The following KATNAL1 variants were observed in gnomAD, a reference collection of about 807,000 sequenced individuals.
KATNAL1 encodes katanin catalytic subunit A1 like 1.
Under a neutral mutation model 55.2 loss-of-function variants are expected in KATNAL1, and 32 were observed. The ratio of observed to expected loss-of-function variants is 0.58; its 90% CI spans 0.44 to 0.78. KATNAL1 has a LOEUF of 0.78. KATNAL1 is among the 30% of genes least tolerant of loss of function. KATNAL1 has a pLI of 0.00. For synonymous variants in KATNAL1, 193 were observed against 193.6 expected (o/e 1.00, Z 0.02); for missense variants, 466 against 600.9 (o/e 0.78, Z 2.35).
chr13:30,300,542 A>C (rs1882792891), intron 1 of KATNAL1, among the ~76,000 whole-genome samples: 1 of 152,174 alleles, frequency 6.6e-6, no homozygotes, highest in Admixed American at 6.5e-5. Context: ...AAGTTTCTCC[A>C]AATCACCGAA....
chr13:30,260,825 T>C (rs896225583), intron 3 of KATNAL1, among the ~76,000 whole-genome samples: 4 of 147,510 alleles, frequency 2.7e-5, no homozygotes, highest in African/African-American at 9.9e-5. Context: ...ACTTCCCCAA[T>C]CTAGCAAGGC....
intron 1 of KATNAL1, among the ~76,000 whole-genome samples, chr13:30,301,005 C>T (rs7338931): frequency 0.53 from 81,300 of 152,052 alleles, 23,113 homozygotes; most frequent in African/African-American, 0.74. Flanking sequence ...ATTCTACTGG[C>T]AGCTTTAAAA....
chr13:30,236,262 C>T (rs1876672120), intron 6 of KATNAL1, among the ~76,000 whole-genome samples: 1 of 152,174 alleles, frequency 6.6e-6, no homozygotes, highest in African/African-American at 2.4e-5. Flanking sequence ...TTGTAGCCAG[C>T]TGGTCATAAG....
Position 30,241,104 on chromosome 13 carries a change from A to G in KATNAL1, c.493-18T>C, listed in dbSNP as rs371935719. 26 of 1,608,370 alleles carry G rather than the reference A, an allele frequency of 1.6e-5. No individual in the cohort carries two copies. In the African/African-American group the frequency reaches 3.3e-4, roughly 21 times the overall value. ...TTCCTTCCCTGGGGATAGGTATAAAAAAAAAGTACTAGTCAGTAATGGATA... is the reference window on the plus strand; with the variant it reads ...TTCCTTCCCTGGGGATAGGTATAAAGAAAAAGTACTAGTCAGTAATGGATA... On this transcript the variant is annotated intron_variant, in intron 4 of 10. Transcript: ENST00000380615.
intron 3 of KATNAL1, among the ~76,000 whole-genome samples, chr13:30,271,607 C>T (rs1433280136): frequency 2.0e-5 from 3 of 152,072 alleles, no homozygotes; most frequent in African/African-American, 4.8e-5. Flanking sequence ...AAATCCACCC[C>T]CATGATCTAA....
intron 7 of KATNAL1, 142 bp from the exon 8 acceptor site, chr13:30,230,736 A>T: frequency 1.6e-6 from 1 of 627,674 alleles, no homozygotes; most frequent in East Asian, 2.8e-5. Flanking sequence ...GGCAAAGGCT[A>T]AATCAATCAT....
intron 3 of KATNAL1, among the ~76,000 whole-genome samples, chr13:30,265,508 A>G (rs1879691276): frequency 6.6e-6 from 1 of 152,080 alleles, no homozygotes; most frequent in African/African-American, 2.4e-5. Flanking sequence ...ACAAGTTGAT[A>G]TGAGTTGTTT....
chr13:30,290,221 T>C (rs1882045240), intron 1 of KATNAL1, among the ~76,000 whole-genome samples: 1 of 150,596 alleles, frequency 6.6e-6, no homozygotes, highest in Non-Finnish European at 1.5e-5. Context: ...ATCAATGAAA[T>C]AGAAAACAGA....
At chr13:30,268,815 C>T (rs1033375327) in intron 3 of KATNAL1, among the ~76,000 whole-genome samples, 2 of 152,068 alleles carry the variant, frequency 1.3e-5, no homozygotes, top group Admixed American at 6.5e-5. Context: ...CATTGGCAAA[C>T]GCATGAATAA....
chr13:30,289,925 T>C (rs974856431), intron 1 of KATNAL1, among the ~76,000 whole-genome samples: 2 of 152,238 alleles, frequency 1.3e-5, no homozygotes, highest in African/African-American at 2.4e-5. Flanking sequence ...CTAAGTGTGG[T>C]TGTGTTCCAA....
At chr13:30,259,587 T>C (rs1271453536) in intron 3 of KATNAL1, among the ~76,000 whole-genome samples, 1 of 152,066 alleles carries the variant, frequency 6.6e-6, no homozygotes, top group Non-Finnish European at 1.5e-5. Context: ...GGAGTTCCCT[T>C]TCCTAGTCAA....
At chr13:30,298,948 CA>C (rs1882698168) in intron 1 of KATNAL1, among the ~76,000 whole-genome samples, 1 of 152,078 alleles carries the variant, frequency 6.6e-6, no homozygotes, top group Non-Finnish European at 1.5e-5. Context: ...TAACAGAAGA[CA>C]ATAATTTTCA....
In KATNAL1 at chr13:30,202,824, G is replaced by A. The variant is rs534763401; in HGVS notation, c.*5716C>T. 6.6e-6 allele frequency: 1 copy of A among 152,220 alleles called. No homozygotes were observed. The highest frequency in any genetic ancestry group is 2.1e-4 in the South Asian group (1 of 4,824). The allele number at this position is 152,220 out of a possible 1,614,324, so 9.4% of individuals were successfully genotyped here. On this transcript the variant is annotated 3_prime_UTR_variant, in exon 11 of 11. Transcript: ENST00000380615. Reference sequence around the variant, plus strand: ...ACACTGAAACAAAAGTCTTAACAACGCACTTACAAGCCATCATAACATGCA... The same window carrying A: ...ACACTGAAACAAAAGTCTTAACAACACACTTACAAGCCATCATAACATGCA...
intron 1 of KATNAL1, among the ~76,000 whole-genome samples, chr13:30,304,826 CTCA>C (rs1271268032): frequency 1.3e-5 from 2 of 152,196 alleles, no homozygotes; most frequent in Non-Finnish European, 2.9e-5. Context: ...CCAGCTCCTC[CTCA>C]TCTCAATCAA....
At chr13:30,233,404 G>A (rs887344501) in intron 6 of KATNAL1, among the ~76,000 whole-genome samples, 8 of 152,092 alleles carry the variant, frequency 5.3e-5, no homozygotes, top group Non-Finnish European at 1.2e-4. Flanking sequence ...AAACCAAAAT[G>A]AGATCATCTC....
rs1229909117 is a variant in KATNAL1 at position 30,207,017 on chromosome 13, T to C, written c.*1523A>G. The C allele has an allele frequency of 2.6e-5, 4 of 152,172 alleles. No individual in the cohort carries two copies. The highest frequency in any genetic ancestry group is 5.9e-5 in the Non-Finnish European group (4 of 68,020). 9.4% of individuals were successfully genotyped at this position (152,172 alleles called of 1,614,324 possible). A position where few individuals can be genotyped will look rare whatever the true frequency, so the allele number is the denominator to read the frequency against. ...AAAGAACATAAGGCATTTACAGTTT[T>C]TAGCAGGGAAAAATAATCAAATCTC... On this transcript the variant is annotated 3_prime_UTR_variant, in exon 11 of 11. Transcript: ENST00000380615.
intron 3 of KATNAL1, among the ~76,000 whole-genome samples, chr13:30,266,670 A>G (rs1879808283): frequency 6.6e-6 from 1 of 152,248 alleles, no homozygotes; most frequent in Non-Finnish European, 1.5e-5. Flanking sequence ...ATGCAAATAT[A>G]CACATATCCT....
At chr13:30,284,234 G>A (rs1349708965) in intron 1 of KATNAL1, among the ~76,000 whole-genome samples, 2 of 152,048 alleles carry the variant, frequency 1.3e-5, no homozygotes, top group Non-Finnish European at 2.9e-5. Flanking sequence ...ACTAAACAAC[G>A]TTTTCAAATT....
Position 30,258,041 on chromosome 13 carries a change from T to C in KATNAL1, c.324-2426A>G, listed in dbSNP as rs932270961. On this transcript the variant is annotated intron_variant, in intron 3 of 10. Transcript: ENST00000380615. ...AAACAATAAAGGTCTCAAGGCTTCTTTTACTAGTCTCTCTGTAAAAATAGA... is the reference window on the plus strand; with the variant it reads ...AAACAATAAAGGTCTCAAGGCTTCTCTTACTAGTCTCTCTGTAAAAATAGA... Among the ~76,000 whole-genome samples, 3 of 152,214 alleles carry C rather than the reference T, an allele frequency of 2.0e-5. No individual in the cohort carries two copies. The East Asian group carries it at 5.8e-4, about 29-fold the overall frequency.
Sources: allele counts gnomAD v4.1 joint callset (sites outside exome capture counted in the v4.1 genomes callset), GRCh38; gene constraint gnomAD v4.1.1; transcripts MANE v1.5; gene names NCBI Gene and HGNC (gene_info 2026-07-23, HGNC 2026-07-21).